Variants in SNX29 observed in about 807,000 individuals in gnomAD.
The protein encoded by SNX29 is sorting nexin-29.
In SNX29, 78 loss-of-function variants were observed where a neutral mutation model predicts 102.1. The ratio of observed to expected loss-of-function variants is 0.76; its 90% CI spans 0.64 to 0.92. The LOEUF (loss-of-function observed/expected upper bound fraction) is 0.92, where lower values mean the gene tolerates loss of function less well. Ranked by LOEUF, SNX29 falls within the 40% of genes least tolerant of loss-of-function variation. The probability of loss-of-function intolerance (pLI) is 0.00; values close to 1 mark genes in which losing one functional copy is unlikely to be tolerated. For synonymous variants in SNX29, 580 were observed against 414.5 expected, an observed-to-expected ratio of 1.40 and a Z score of -4.85; for missense variants, 1,280 against 1,061.7, an observed-to-expected ratio of 1.21 and a Z score of -2.86.
intron 19 of SNX29, among the ~76,000 whole-genome samples, chr16:12,479,607 A>G (rs2087813223): frequency 6.6e-6 from 1 of 152,248 alleles, no homozygotes; most frequent in African/African-American, 2.4e-5. Context: ...CATAGCAAAG[A>G]GTACAAGAAT....
intron 13 of SNX29, among the ~76,000 whole-genome samples, chr16:12,130,811 C>T (rs2054432163): frequency 6.6e-6 from 1 of 152,062 alleles, no homozygotes; most frequent in Non-Finnish European, 1.5e-5. Flanking sequence ...AGATTGCTCT[C>T]GTTGGTCTGC....
chr16:12,310,071 T>C (rs1388295771), intron 15 of SNX29, among the ~76,000 whole-genome samples: 1 of 151,524 alleles, frequency 6.6e-6, no homozygotes. Context: ...TGCACGCACA[T>C]ACATACACAT....
chr16:12,541,115 G>C, intron 20 of SNX29, among the ~76,000 whole-genome samples: 1 of 152,088 alleles, frequency 6.6e-6, no homozygotes, highest in East Asian at 1.9e-4. Context: ...AAGCTGACTT[G>C]GAGGGGAGAC....
chr16:12,542,537 G>A (rs1227709869), intron 20 of SNX29, among the ~76,000 whole-genome samples: 2 of 152,192 alleles, frequency 1.3e-5, no homozygotes, highest in African/African-American at 2.4e-5. Flanking sequence ...TCACCACGTT[G>A]GCCAGGCTGA....
intron 16 of SNX29, among the ~76,000 whole-genome samples, chr16:12,393,807 T>C (rs2083623222): frequency 6.6e-6 from 1 of 152,250 alleles, no homozygotes; most frequent in Non-Finnish European, 1.5e-5. Flanking sequence ...CCTTGGCACA[T>C]AGTAATTGTT....
intron 20 of SNX29, among the ~76,000 whole-genome samples, chr16:12,559,015 C>G (rs1160196316): frequency 3.9e-5 from 6 of 152,280 alleles, no homozygotes; most frequent in Non-Finnish European, 7.3e-5. Context: ...GGGAGAGAGA[C>G]AAAAGACTCC....
At chr16:12,539,361 A>G (rs1462794311) in intron 20 of SNX29, among the ~76,000 whole-genome samples, 1 of 152,094 alleles carries the variant, frequency 6.6e-6, no homozygotes, top group Non-Finnish European at 1.5e-5. Flanking sequence ...TCATACTGTA[A>G]GCAACCTCTT....
At chr16:12,552,975 G>A (rs965945173) in intron 20 of SNX29, among the ~76,000 whole-genome samples, 2 of 152,238 alleles carry the variant, frequency 1.3e-5, no homozygotes, top group African/African-American at 4.8e-5. Flanking sequence ...ATTGAGTGCA[G>A]CAGGCACTGT....
intron 10 of SNX29, among the ~76,000 whole-genome samples, chr16:12,069,380 C>T (rs372690506): frequency 5.3e-5 from 8 of 152,010 alleles, no homozygotes; most frequent in Middle Eastern, 3.4e-3. Context: ...ATTCTCTTGC[C>T]TGAGCCTCCC....
At chr16:12,232,400 G>A (rs1040286170) in intron 14 of SNX29, among the ~76,000 whole-genome samples, 1 of 152,190 alleles carries the variant, frequency 6.6e-6, no homozygotes, top group Non-Finnish European at 1.5e-5. Context: ...AGTGGCGTGC[G>A]CCTGTAATCC....
At chr16:12,295,845 C>T (rs1211083889) in intron 15 of SNX29, among the ~76,000 whole-genome samples, 1 of 151,328 alleles carries the variant, frequency 6.6e-6, no homozygotes, top group Non-Finnish European at 1.5e-5. Context: ...GGAGATGAGT[C>T]TTATAAAAAC....
chr16:12,562,879 C>G (rs774129300), intron 20 of SNX29, among the ~76,000 whole-genome samples: 2 of 152,162 alleles, frequency 1.3e-5, no homozygotes, highest in Non-Finnish European at 1.5e-5. Context: ...TTTGTCATTT[C>G]TAGTTTTGGG....
chr16:12,280,057 G>A (rs2079383604), intron 15 of SNX29, among the ~76,000 whole-genome samples: 1 of 152,156 alleles, frequency 6.6e-6, no homozygotes, highest in African/African-American at 2.4e-5. Flanking sequence ...GGGGGTGTTT[G>A]ACCCTCTGAT....
intron 20 of SNX29, among the ~76,000 whole-genome samples, chr16:12,530,722 A>G (rs1033243386): frequency 5.9e-5 from 9 of 151,902 alleles, no homozygotes; most frequent in African/African-American, 2.2e-4. Context: ...TGCCCAGCTA[A>G]TTTTTGTATT....
At chr16:12,088,070 C>A (rs1193676839) in intron 11 of SNX29, 1 of 456,682 alleles carries the variant, frequency 2.2e-6, no homozygotes, top group Non-Finnish European at 4.4e-6. Flanking sequence ...GGCTGCATGA[C>A]TGGGAAGGAT....
chr16:12,280,135 T>A (rs943289784), intron 15 of SNX29, among the ~76,000 whole-genome samples: 4 of 152,174 alleles, frequency 2.6e-5, no homozygotes, highest in Non-Finnish European at 5.9e-5. Context: ...GTTGGATGAT[T>A]TATTTCAGTG....
At chr16:12,125,936 C>T (rs2054196917) in intron 11 of SNX29, among the ~76,000 whole-genome samples, 1 of 152,164 alleles carries the variant, frequency 6.6e-6, no homozygotes, top group African/African-American at 2.4e-5. Context: ...GCCCAGAACC[C>T]AGATACCTGC....
intron 18 of SNX29, among the ~76,000 whole-genome samples, chr16:12,458,211 G>A (rs1567583913): frequency 1.3e-5 from 2 of 152,190 alleles, no homozygotes; most frequent in Admixed American, 6.5e-5. Flanking sequence ...TTCCATCTGT[G>A]AGCCCAGAGG....
intron 20 of SNX29, among the ~76,000 whole-genome samples, chr16:12,555,555 G>C (rs943377320): frequency 3.3e-5 from 5 of 150,350 alleles, no homozygotes; most frequent in African/African-American, 7.4e-5. Context: ...CCGTGGGTTT[G>C]AGCACCCTCA....
Sources: allele counts gnomAD v4.1 joint callset (sites outside exome capture counted in the v4.1 genomes callset), GRCh38; gene constraint gnomAD v4.1.1; transcripts MANE v1.5; gene names NCBI Gene and HGNC (gene_info 2026-07-23, HGNC 2026-07-21).